The following GPC5 variants were observed in gnomAD, a reference collection of about 807,000 sequenced individuals.
GPC5 encodes glypican 5.
A neutral mutation model predicts 53.9 loss-of-function variants in GPC5; 47 were observed. The observed-to-expected ratio is 0.87, with a 90% confidence interval of 0.69 to 1.11. The LOEUF (loss-of-function observed/expected upper bound fraction) is 1.11. GPC5 is among the 50% of genes most tolerant of loss of function. The pLI, the probability that GPC5 is intolerant of heterozygous loss-of-function variation, is 0.00. For synonymous variants in GPC5, 286 were observed against 263.3 expected, an observed-to-expected ratio of 1.09 and a Z score of -0.84; for missense variants, 748 against 713.1, an observed-to-expected ratio of 1.05 and a Z score of -0.56.
intron 7 of GPC5, among the ~76,000 whole-genome samples, chr13:92,626,815 G>A (rs952967907): frequency 2.6e-5 from 4 of 152,058 alleles, no homozygotes; most frequent in African/African-American, 9.7e-5. Flanking sequence ...TAATGCTAAT[G>A]GGTGGTTGAA....
At chr13:92,818,144 C>G (rs1877545493) in intron 7 of GPC5, among the ~76,000 whole-genome samples, 2 of 151,466 alleles carry the variant, frequency 1.3e-5, no homozygotes, top group Admixed American at 6.6e-5. Context: ...TCCTGAGTAG[C>G]TGGGATTACA....
chr13:91,611,784 C>T (rs921116412), intron 2 of GPC5, among the ~76,000 whole-genome samples: 2 of 152,176 alleles, frequency 1.3e-5, no homozygotes, highest in Non-Finnish European at 2.9e-5. Context: ...AATCCTGACA[C>T]CCATCACCTT....
chr13:92,772,313 G>A (rs1164863577), intron 7 of GPC5, among the ~76,000 whole-genome samples: 1 of 152,102 alleles, frequency 6.6e-6, no homozygotes. Flanking sequence ...TATACACAGG[G>A]ATATAAAGAG....
intron 2 of GPC5, among the ~76,000 whole-genome samples, chr13:91,609,633 G>A (rs1389727738): frequency 6.6e-6 from 1 of 152,192 alleles, no homozygotes; most frequent in Non-Finnish European, 1.5e-5. Flanking sequence ...TAGGCAGTGA[G>A]GATAAACAGA....
intron 2 of GPC5, among the ~76,000 whole-genome samples, chr13:91,544,309 T>G (rs1316024549): frequency 6.6e-6 from 1 of 152,108 alleles, no homozygotes; most frequent in Non-Finnish European, 1.5e-5. Context: ...ACAATATTTT[T>G]AAAGATTTTT....
intron 6 of GPC5, among the ~76,000 whole-genome samples, chr13:91,971,051 C>T (rs1362171526): frequency 6.6e-6 from 1 of 152,170 alleles, no homozygotes; most frequent in African/African-American, 2.4e-5. Flanking sequence ...GTACCAGCTC[C>T]TCCTTGTACC....
intron 5 of GPC5, among the ~76,000 whole-genome samples, chr13:91,783,120 G>A (rs982627869): frequency 2.8e-4 from 42 of 152,012 alleles, no homozygotes; most frequent in Admixed American, 2.0e-3. Flanking sequence ...CAAATGTAGT[G>A]GTGGACACCT....
intron 5 of GPC5, among the ~76,000 whole-genome samples, chr13:91,815,123 T>C (rs1002321414): frequency 1.3e-5 from 2 of 152,254 alleles, no homozygotes; most frequent in African/African-American, 4.8e-5. Context: ...CCCAGCACTT[T>C]GGGAGGACAA....
At chr13:92,570,633 T>C (rs1282063702) in intron 7 of GPC5, among the ~76,000 whole-genome samples, 1 of 152,136 alleles carries the variant, frequency 6.6e-6, no homozygotes, top group Non-Finnish European at 1.5e-5. Context: ...GTTATTAATA[T>C]TGTGATATGT....
At chr13:92,469,850 A>T (rs192384805) in intron 7 of GPC5, among the ~76,000 whole-genome samples, 1 of 152,254 alleles carries the variant, frequency 6.6e-6, no homozygotes, top group East Asian at 1.9e-4. Flanking sequence ...GTAATAATTT[A>T]TATCATACTG....
chr13:91,707,693 A>G (rs1446585581), intron 3 of GPC5, among the ~76,000 whole-genome samples: 1 of 152,232 alleles, frequency 6.6e-6, no homozygotes, highest in Non-Finnish European at 1.5e-5. Flanking sequence ...TGAGCATGCA[A>G]ACATTGCTGG....
chr13:91,806,601 G>T (rs1369642411), intron 5 of GPC5, among the ~76,000 whole-genome samples: 1 of 152,100 alleles, frequency 6.6e-6, no homozygotes, highest in African/African-American at 2.4e-5. Context: ...ACACTGTACT[G>T]TGTTAGCACA....
intron 7 of GPC5, among the ~76,000 whole-genome samples, chr13:92,482,060 G>A (rs1452329229): frequency 1.3e-5 from 2 of 152,086 alleles, no homozygotes; most frequent in Admixed American, 6.5e-5. Flanking sequence ...GAACCCTGGA[G>A]GCAGAGGTTG....
At chr13:91,407,034 T>C (rs1877377045) in intron 1 of GPC5, among the ~76,000 whole-genome samples, 1 of 152,208 alleles carries the variant, frequency 6.6e-6, no homozygotes, top group Admixed American at 6.5e-5. Context: ...TGATTTCCCT[T>C]TTGGTTCTGT....
At chr13:92,572,232 T>A (rs1883050026) in intron 7 of GPC5, among the ~76,000 whole-genome samples, 2 of 152,186 alleles carry the variant, frequency 1.3e-5, no homozygotes, top group African/African-American at 4.8e-5. Context: ...CTGGTCCGAG[T>A]TGACTAAATA....
chr13:91,487,760 T>C (rs2139240724), intron 2 of GPC5, among the ~76,000 whole-genome samples: 1 of 152,350 alleles, frequency 6.6e-6, no homozygotes, highest in Admixed American at 6.5e-5. Context: ...CAGATGTTTA[T>C]GTCAGATAAA....
At chr13:92,407,613 A>G (rs1396077555) in intron 7 of GPC5, among the ~76,000 whole-genome samples, 1 of 152,192 alleles carries the variant, frequency 6.6e-6, no homozygotes, top group East Asian at 1.9e-4. Context: ...ACAAAATTGA[A>G]TATGTAGCTA....
At chr13:91,963,403 G>T (rs564502530) in intron 6 of GPC5, among the ~76,000 whole-genome samples, 2 of 152,182 alleles carry the variant, frequency 1.3e-5, no homozygotes, top group African/African-American at 2.4e-5. Flanking sequence ...TTCTCTTACA[G>T]AAGTTCCCTA....
At position 92,778,028 on chromosome 13, in the gene GPC5, G is replaced by A. The variant is rs146188682; in HGVS notation, c.1562-88254G>A. On this transcript the variant is annotated intron_variant, in intron 7 of 7. Coordinates refer to ENST00000377067, the MANE Select transcript of GPC5 (RefSeq NM_004466.6). ...GCTCCAGGATGTGGCAAATTTGTTAGGATAAACTATTGGGATGCTTAAATT... is the reference window on the plus strand; with the variant it reads ...GCTCCAGGATGTGGCAAATTTGTTAAGATAAACTATTGGGATGCTTAAATT... Among the ~76,000 whole-genome samples the A allele has an allele frequency of 9.7e-4, 148 of 152,304 alleles. No homozygotes were observed. The East Asian group carries it at 0.022, about 23-fold the overall frequency.
Sources: allele counts gnomAD v4.1 joint callset (sites outside exome capture counted in the v4.1 genomes callset), GRCh38; gene constraint gnomAD v4.1.1; transcripts MANE v1.5; gene names NCBI Gene and HGNC (gene_info 2026-07-23, HGNC 2026-07-21).